Variants in CYP4X1 observed in about 807,000 individuals in gnomAD.
CYP4X1 encodes the protein cytochrome P450 4X1.
Under a neutral mutation model 57.9 loss-of-function variants are expected in CYP4X1, and 44 were observed. The observed-to-expected ratio is 0.76, with a 90% CI of 0.60 to 0.98. CYP4X1 has a LOEUF of 0.98. Among genes scored for constraint, CYP4X1 ranks in the 50% least tolerant of loss-of-function variants. The pLI is 0.00. For synonymous variants in CYP4X1, 227 were observed against 228.6 expected, an observed-to-expected ratio of 0.99 and a Z score of 0.06; for missense variants, 532 against 623.9, an observed-to-expected ratio of 0.85 and a Z score of 1.57.
At chr1:46,969,597 T>A in the CYP4X1 span, among the ~76,000 whole-genome samples, 1 of 152,234 alleles carries the variant, frequency 6.6e-6, no homozygotes, top group South Asian at 2.1e-4. Flanking sequence ...TTTCTACTAT[T>A]TACATTGTTT....
the CYP4X1 span, among the ~76,000 whole-genome samples, chr1:46,982,517 G>A: frequency 6.6e-6 from 1 of 152,180 alleles, no homozygotes; most frequent in African/African-American, 2.4e-5. Flanking sequence ...TTTAACTGTG[G>A]AGTAGTGTAG....
In CYP4X1 at chr1:47,030,132, G is replaced by T; in HGVS notation, c.319+1G>T. ...GCAAAGACACTTCTGAGCAGAACAG[G>T]TAAGAAGAGGGGGAAAGCTCTGGGA... On this transcript the variant is annotated splice_donor_variant, in intron 2 of 11. Transcript: ENST00000371901. LOFTEE classifies it high-confidence loss of function. 6.2e-7 allele frequency: 1 copy of T among 1,609,688 alleles called. No individual in the cohort carries two copies. The highest frequency in any genetic ancestry group is 8.5e-7 in the Non-Finnish European group (1 of 1,177,084).
chr1:47,027,312 A>T (rs1430579214), intron 1 of CYP4X1, among the ~76,000 whole-genome samples: 1 of 152,108 alleles, frequency 6.6e-6, no homozygotes, highest in Non-Finnish European at 1.5e-5. Flanking sequence ...CATGCAGGGA[A>T]ATCTAGTATC....
chr1:47,001,704 T>C, the CYP4X1 span, among the ~76,000 whole-genome samples: 6 of 152,238 alleles, frequency 3.9e-5, no homozygotes, highest in African/African-American at 1.4e-4. Flanking sequence ...TCCCTCAGTC[T>C]TCTTGCCTGG....
At chr1:47,026,315 G>A (rs1026389481) in intron 1 of CYP4X1, among the ~76,000 whole-genome samples, 1 of 152,140 alleles carries the variant, frequency 6.6e-6, no homozygotes, top group Non-Finnish European at 1.5e-5. Flanking sequence ...CACATTGCAT[G>A]CCTGTATCAA....
chr1:47,030,142 G>A lies in CYP4X1; in HGVS notation c.319+11G>A, dbSNP rs755576331. 2.5e-6 allele frequency: 4 copies of A among 1,605,592 alleles called. No homozygotes were observed. The South Asian group carries it at 4.4e-5, about 18-fold the overall frequency. Reference sequence around the variant, plus strand: ...TTCTGAGCAGAACAGGTAAGAAGAGGGGGAAAGCTCTGGGACCTATTCCTC... The same window carrying A: ...TTCTGAGCAGAACAGGTAAGAAGAGAGGGAAAGCTCTGGGACCTATTCCTC... On this transcript the variant is annotated intron_variant, in intron 2 of 11. Transcript: ENST00000371901.
In CYP4X1 at chr1:47,046,376, T is replaced by C. The variant is rs938990421; in HGVS notation, c.1074-91T>C. The C allele has an allele frequency of 2.2e-5, 35 of 1,559,110 alleles. No homozygotes were observed. In the South Asian group the frequency reaches 4.3e-4, roughly 19 times the overall value. ...AACCAGTGGCAAAATGGCTTTAACCTGAGGGTAATAATTACCAGGAACAAA... is the reference window on the plus strand; with the variant it reads ...AACCAGTGGCAAAATGGCTTTAACCCGAGGGTAATAATTACCAGGAACAAA... On this transcript the variant is annotated intron_variant, in intron 8 of 11. Transcript: ENST00000371901.
At position 47,048,731 on chromosome 1, in the gene CYP4X1, A is replaced by G. The variant is rs1644329463; in HGVS notation, c.1272+102A>G. ...AGTGGCTATATAATTAAGGGAAATGACACAAATTAAACAAAAATAAACATA... is the reference window on the plus strand; with the variant it reads ...AGTGGCTATATAATTAAGGGAAATGGCACAAATTAAACAAAAATAAACATA... On this transcript the variant is annotated intron_variant, in intron 10 of 11. Transcript: ENST00000371901. 4 of 1,130,734 alleles carry G rather than the reference A, an allele frequency of 3.5e-6. No homozygotes were observed. The Admixed American group carries it at 9.7e-5, about 27-fold the overall frequency. The allele number at this position is 1,130,734 out of a possible 1,614,324, so 70.0% of individuals were successfully genotyped here. A position where few individuals can be genotyped will look rare whatever the true frequency, so the allele number is the denominator to read the frequency against.
chr1:47,038,628 C>G, intron 6 of CYP4X1, 32 bp from the exon 7 acceptor site: 2 of 1,540,202 alleles, frequency 1.3e-6, no homozygotes, highest in Non-Finnish European at 1.8e-6. Flanking sequence ...TTTGCCATCA[C>G]TTTGGTAATT....
the CYP4X1 span, among the ~76,000 whole-genome samples, chr1:46,993,869 A>G: frequency 2.0e-5 from 3 of 151,236 alleles, no homozygotes; most frequent in Non-Finnish European, 4.4e-5. Context: ...ATTTTCTCCC[A>G]TTCTCTAGGT....
Position 47,024,003 on chromosome 1 carries a change from G to C in CYP4X1, c.177+9G>C. On this transcript the variant is annotated intron_variant, in intron 1 of 11. Transcript: ENST00000371901. Reference sequence around the variant, plus strand: ...TCCTTGGGCACCAGAAGGTAGATGGGAGGGAGGAGGGAGGAAGGAGGAGGG... The same window carrying C: ...TCCTTGGGCACCAGAAGGTAGATGGCAGGGAGGAGGGAGGAAGGAGGAGGG... The C allele has an allele frequency of 6.2e-7, 1 of 1,607,364 alleles. No individual in the cohort carries two copies. Among genetic ancestry groups the C allele is most frequent in the Non-Finnish European group, 8.5e-7 (1 of 1,176,402 alleles).
intron 8 of CYP4X1, among the ~76,000 whole-genome samples, chr1:47,040,979 G>GTTCT (rs1215064650): frequency 6.6e-6 from 1 of 151,934 alleles, no homozygotes. Flanking sequence ...GGTAACCACT[G>GTTCT]TTCTACTCTC....
At chr1:46,988,405 A>C in the CYP4X1 span, among the ~76,000 whole-genome samples, 9 of 152,214 alleles carry the variant, frequency 5.9e-5, no homozygotes, top group Admixed American at 2.0e-4. Flanking sequence ...TAGCCTACCA[A>C]TAAAAAAAGT....
chr1:47,033,031 A>G (rs1016242907), intron 3 of CYP4X1, among the ~76,000 whole-genome samples: 2 of 152,166 alleles, frequency 1.3e-5, no homozygotes, highest in Non-Finnish European at 2.9e-5. Flanking sequence ...TGTTTCTCAC[A>G]ATATTAAATA....
intron 1 of CYP4X1, among the ~76,000 whole-genome samples, chr1:47,026,179 T>C (rs943558427): frequency 6.6e-5 from 10 of 152,156 alleles, no homozygotes; most frequent in African/African-American, 2.4e-4. Context: ...TTTGATAGCA[T>C]AGCAGGGTGG....
At chr1:47,030,935 G>C (rs369830763) in intron 2 of CYP4X1, among the ~76,000 whole-genome samples, 23 of 152,168 alleles carry the variant, frequency 1.5e-4, no homozygotes, top group African/African-American at 5.5e-4. Flanking sequence ...AACCCACAGA[G>C]GCCAAGGGAA....
chr1:47,049,595 C>A, intron 11 of CYP4X1, 91 bp downstream of exon 11: 2 of 1,173,902 alleles, frequency 1.7e-6, no homozygotes, highest in Non-Finnish European at 2.5e-6. Context: ...ATACATTCTT[C>A]CAGGGAACCG....
chr1:47,052,561 TC>T (rs529213292), downstream of CYP4X1, among the ~76,000 whole-genome samples: 7 of 152,208 alleles, frequency 4.6e-5, no homozygotes, highest in Admixed American at 4.6e-4. Context: ...ATGGTACTCT[TC>T]AAGCTTAAAA....
chr1:47,016,876 G>C, the CYP4X1 span, among the ~76,000 whole-genome samples: 1 of 152,078 alleles, frequency 6.6e-6, no homozygotes, highest in Non-Finnish European at 1.5e-5. Flanking sequence ...CCCCCAACTG[G>C]TAATTATCCT....
Sources: gnomAD v4.1 joint callset for allele counts (sites outside exome capture counted in the v4.1 genomes callset) on GRCh38, gnomAD v4.1.1 for gene constraint, MANE v1.5 for transcripts, NCBI Gene and HGNC (gene_info 2026-07-23, HGNC 2026-07-21) for gene names.